Variants in FBXL7 observed in about 807,000 individuals in gnomAD.
The protein encoded by FBXL7 is F-box/LRR-repeat protein 7.
A neutral mutation model predicts 38.3 loss-of-function variants in FBXL7; 12 were observed. That is an observed-to-expected ratio of 0.31 (90% CI 0.20 to 0.51). FBXL7 has a LOEUF of 0.51. FBXL7 is among the 20% of genes least tolerant of loss of function. The probability of loss-of-function intolerance (pLI) is 0.98; values close to 1 mark genes in which losing one functional copy is unlikely to be tolerated. For missense variants in FBXL7, 567 were observed against 676.4 expected, an observed-to-expected ratio of 0.84 and a Z score of 1.79; for synonymous variants, 297 against 300.9, an observed-to-expected ratio of 0.99 and a Z score of 0.13.
chr5:15,875,226 C>T (rs1740149898), intron 2 of FBXL7, among the ~76,000 whole-genome samples: 1 of 152,192 alleles, frequency 6.6e-6, no homozygotes, highest in East Asian at 1.9e-4. Flanking sequence ...AAAGTTGACA[C>T]TGGACCCCTT....
At chr5:15,545,509 A>G (rs150551591) in intron 1 of FBXL7, among the ~76,000 whole-genome samples, 2 of 152,132 alleles carry the variant, frequency 1.3e-5, no homozygotes, top group Admixed American at 6.5e-5. Context: ...ATTTTCTTCA[A>G]TTGAATGTCA....
At chr5:15,720,943 T>C (rs993868414) in intron 2 of FBXL7, among the ~76,000 whole-genome samples, 1 of 152,120 alleles carries the variant, frequency 6.6e-6, no homozygotes, top group Non-Finnish European at 1.5e-5. Flanking sequence ...TTTTTAAATA[T>C]AGTAATTTTT....
Position 15,932,640 on chromosome 5 carries a change from C to A in FBXL7, c.740-3810C>A, listed in dbSNP as rs937918. Among the ~76,000 whole-genome samples, 173 of 152,260 alleles carry A rather than the reference C, an allele frequency of 1.1e-3. 4 individuals are homozygous for A. The East Asian group carries it at 0.028, about 25-fold the overall frequency. ...CACCCTAAGTTTCACCTCATGGATA[C>A]CCTAACCCTCCCATGGACTTGCCCC... On this transcript the variant is annotated intron_variant, in intron 3 of 3. Coordinates refer to ENST00000504595, the MANE Select transcript of FBXL7 (RefSeq NM_012304.5).
intron 2 of FBXL7, among the ~76,000 whole-genome samples, chr5:15,655,541 A>G (rs1057480785): frequency 1.3e-5 from 2 of 152,102 alleles, no homozygotes; most frequent in Non-Finnish European, 2.9e-5. Flanking sequence ...ATTTTTGACT[A>G]AATTAGTACT....
chr5:15,604,447 C>T (rs1013189956), intron 1 of FBXL7, among the ~76,000 whole-genome samples: 5 of 151,474 alleles, frequency 3.3e-5, no homozygotes, highest in East Asian at 1.9e-4. Context: ...TTCTACCCCC[C>T]GGGTTAAAGA....
intron 2 of FBXL7, among the ~76,000 whole-genome samples, chr5:15,861,900 A>T (rs1739491111): frequency 6.6e-6 from 1 of 152,218 alleles, no homozygotes; most frequent in Admixed American, 6.5e-5. Flanking sequence ...CTACAAATAC[A>T]TATTTTAATA....
intron 2 of FBXL7, among the ~76,000 whole-genome samples, chr5:15,640,612 C>T (rs1741334273): frequency 6.6e-6 from 1 of 151,958 alleles, no homozygotes; most frequent in African/African-American, 2.4e-5. Context: ...CATCCTCCAC[C>T]TCCTGTGTTC....
intron 2 of FBXL7, among the ~76,000 whole-genome samples, chr5:15,660,656 C>A (rs1157541062): frequency 1.3e-5 from 2 of 152,176 alleles, no homozygotes; most frequent in African/African-American, 4.8e-5. Context: ...CCGTGCCTGG[C>A]CCATTGTAGA....
intron 1 of FBXL7, among the ~76,000 whole-genome samples, chr5:15,568,057 A>G (rs1184712494): frequency 2.0e-5 from 3 of 152,090 alleles, no homozygotes; most frequent in Non-Finnish European, 2.9e-5. Flanking sequence ...CAATAAACAT[A>G]TGTGTGCATG....
intron 2 of FBXL7, among the ~76,000 whole-genome samples, chr5:15,690,716 A>C (rs774482428): frequency 6.6e-6 from 1 of 152,166 alleles, no homozygotes; most frequent in Non-Finnish European, 1.5e-5. Flanking sequence ...GAATGATCTC[A>C]CCCATATGTG....
chr5:15,624,884 T>C (rs76637131), intron 2 of FBXL7, among the ~76,000 whole-genome samples: 18 of 151,502 alleles, frequency 1.2e-4, no homozygotes, highest in African/African-American at 4.1e-4. Context: ...TTTTTTTTTT[T>C]CCTAGATGAG....
chr5:15,735,705 C>A (rs535392078), intron 2 of FBXL7, among the ~76,000 whole-genome samples: 2 of 152,204 alleles, frequency 1.3e-5, no homozygotes, highest in East Asian at 3.9e-4. Flanking sequence ...AATGAATGTC[C>A]GGAGAGAAGG....
intron 2 of FBXL7, among the ~76,000 whole-genome samples, chr5:15,878,409 C>G (rs369467251): frequency 5.3e-5 from 8 of 152,256 alleles, no homozygotes; most frequent in East Asian, 1.9e-4. Flanking sequence ...TTCTTTCCCC[C>G]CAAGTCTCTC....
At chr5:15,855,370 ACT>A (rs1212790572) in intron 2 of FBXL7, among the ~76,000 whole-genome samples, 1 of 152,012 alleles carries the variant, frequency 6.6e-6, no homozygotes, top group East Asian at 1.9e-4. Flanking sequence ...TATAGAAATA[ACT>A]CTCACTTCAC....
intron 2 of FBXL7, among the ~76,000 whole-genome samples, chr5:15,783,278 G>A (rs557853809): frequency 2.0e-5 from 3 of 152,262 alleles, no homozygotes; most frequent in Admixed American, 6.5e-5. Context: ...CATAATTTCC[G>A]GCAAGTGCAC....
rs1373195158 is a variant in FBXL7, at chr5:15,625,934, T to TA, written c.127+9868dup. 2.6e-5 allele frequency among the ~76,000 whole-genome samples: 4 copies of TA among 152,184 alleles called. No individual in the cohort carries two copies. The East Asian group carries it at 7.7e-4, about 29-fold the overall frequency. Reference sequence around the variant, plus strand: ...AGAAAATGATGCTGAAGAAATCTCTTAAAAAATAGTGCTAAAATGACAACT... The same window carrying TA: ...AGAAAATGATGCTGAAGAAATCTCTTAAAAAAATAGTGCTAAAATGACAACT... On this transcript the variant is annotated intron_variant, in intron 2 of 3. Coordinates refer to ENST00000504595, the MANE Select transcript of FBXL7 (RefSeq NM_012304.5).
At chr5:15,559,542 T>A (rs957326793) in intron 1 of FBXL7, among the ~76,000 whole-genome samples, 1 of 152,190 alleles carries the variant, frequency 6.6e-6, no homozygotes, top group African/African-American at 2.4e-5. Context: ...CTAAAAACGA[T>A]CCTAAAATCT....
chr5:15,619,157 A>G (rs184468610), intron 2 of FBXL7, among the ~76,000 whole-genome samples: 1 of 152,278 alleles, frequency 6.6e-6, no homozygotes, highest in East Asian at 1.9e-4. Context: ...ACGCATGCCC[A>G]TCTGAGGATT....
At chr5:15,575,669 A>C (rs558816842) in intron 1 of FBXL7, among the ~76,000 whole-genome samples, 94 of 152,338 alleles carry the variant, frequency 6.2e-4, no homozygotes, top group Non-Finnish European at 9.7e-4. Flanking sequence ...AGAACATTTC[A>C]GTTGGCAACT....
Sources: gnomAD v4.1 joint callset for allele counts (sites outside exome capture counted in the v4.1 genomes callset) on GRCh38, gnomAD v4.1.1 for gene constraint, MANE v1.5 for transcripts, NCBI Gene and HGNC (gene_info 2026-07-23, HGNC 2026-07-21) for gene names.